Variants in DOCK1 observed in about 807,000 individuals in gnomAD.
The protein encoded by DOCK1 is dedicator of cytokinesis protein 1.
DOCK1 carries 138 observed loss-of-function variants against 262.7 expected under a neutral mutation model. The ratio of observed to expected loss-of-function variants is 0.53; its 90% confidence interval spans 0.46 to 0.61. DOCK1 has a LOEUF of 0.61. DOCK1 is among the 20% of genes least tolerant of loss of function. DOCK1 has a pLI of 0.00. For missense variants in DOCK1, 1,908 were observed against 2,370.7 expected, an observed-to-expected ratio of 0.80 and a Z score of 4.05; for synonymous variants, 866 against 867.4, an observed-to-expected ratio of 1.00 and a Z score of 0.03.
chr10:127,237,777 C>A (rs1438313758), intron 27 of DOCK1, among the ~76,000 whole-genome samples: 2 of 152,296 alleles, frequency 1.3e-5, no homozygotes, highest in Non-Finnish European at 2.9e-5. Context: ...AATTCCCTGG[C>A]AGTCTGTAAT....
At chr10:127,442,160 C>T (rs963045639) in intron 49 of DOCK1, among the ~76,000 whole-genome samples, 1 of 152,168 alleles carries the variant, frequency 6.6e-6, no homozygotes, top group African/African-American at 2.4e-5. Context: ...TGGCCTGGCT[C>T]TGTCACTCAT....
chr10:127,099,086 C>A (rs2048079726), intron 23 of DOCK1, among the ~76,000 whole-genome samples: 2 of 152,200 alleles, frequency 1.3e-5, no homozygotes. Flanking sequence ...TGCATCTTGT[C>A]CTTGTCTGGC....
At chr10:127,280,675 G>A (rs1436363463) in intron 29 of DOCK1, among the ~76,000 whole-genome samples, 2 of 152,324 alleles carry the variant, frequency 1.3e-5, no homozygotes, top group East Asian at 1.9e-4. Context: ...GGCAAGCTAC[G>A]TGCAGGTAAG....
At chr10:127,383,585 C>G (rs759402328) in intron 37 of DOCK1, among the ~76,000 whole-genome samples, 2 of 152,220 alleles carry the variant, frequency 1.3e-5, no homozygotes, top group Admixed American at 6.5e-5. Flanking sequence ...AGGGCCCGTG[C>G]CCTGTGCCTG....
At chr10:127,193,716 G>A (rs1299755657) in intron 27 of DOCK1, among the ~76,000 whole-genome samples, 2 of 152,174 alleles carry the variant, frequency 1.3e-5, no homozygotes, top group Non-Finnish European at 2.9e-5. Flanking sequence ...TGCCTTTCAC[G>A]TACAAGTCTT....
chr10:127,397,847 GTGCATGTCCTGGGTAGTGGGTGC>G (rs1438192507), intron 38 of DOCK1, among the ~76,000 whole-genome samples: 2 of 152,124 alleles, frequency 1.3e-5, no homozygotes, highest in African/African-American at 4.8e-5. Flanking sequence ...TGTGTGACCT[GTGCATGTCCTGGGTAGTGGGTGC>G]TGCATGTCCT....
At chr10:127,318,337 A>G (rs2062372506) in intron 29 of DOCK1, among the ~76,000 whole-genome samples, 1 of 152,204 alleles carries the variant, frequency 6.6e-6, no homozygotes, top group South Asian at 2.1e-4. Context: ...TTGAGCAGCC[A>G]AATGAGATGA....
intron 48 of DOCK1, 76 bp from the exon 49 acceptor site, chr10:127,438,951 G>T (rs2069881478): frequency 7.2e-7 from 1 of 1,395,666 alleles, no homozygotes; most frequent in African/African-American, 1.5e-5. Flanking sequence ...TCGATGGATT[G>T]TGAGTGACTT....
At chr10:127,401,591 C>T (rs191065899) in intron 38 of DOCK1, among the ~76,000 whole-genome samples, 48 of 152,256 alleles carry the variant, frequency 3.2e-4, no homozygotes, top group Non-Finnish European at 5.0e-4. Flanking sequence ...CCTCTCAATT[C>T]ACATGCTTGG....
rs754620266 is a variant in DOCK1 at position 127,343,680 on chromosome 10, T to C, written c.3158T>C (p.Phe1053Ser). 2 of 1,611,674 alleles carry C rather than the reference T, an allele frequency of 1.2e-6. No individual in the cohort carries two copies. Among genetic ancestry groups the C allele is most frequent in the Non-Finnish European group, 1.7e-6 (2 of 1,179,058 alleles). The change falls in exon 31 of 52, where the codon TTC becomes TCC. Residue 1053 changes from phenylalanine (F) to serine (S), a missense_variant. Physicochemically the swap from Phe to Ser is radical, Grantham distance 155. This residue lies in a region of DOCK1 where 518 missense variants were observed against 575.1 expected (regional missense o/e 0.90). Transcript: ENST00000623213. Reference sequence around the variant, plus strand: ...AACTACTTTCACCTGGCTGTTGCTTTCCTTACTCAAGAGTCCCTGCAACTG... The same window carrying C: ...AACTACTTTCACCTGGCTGTTGCTTCCCTTACTCAAGAGTCCCTGCAACTG... ...WNNYFHLAVA[F>S]LTQESLQLEN...
At chr10:127,168,037 A>C (rs1430345767) in intron 27 of DOCK1, among the ~76,000 whole-genome samples, 1 of 152,202 alleles carries the variant, frequency 6.6e-6, no homozygotes, top group African/African-American at 2.4e-5. Flanking sequence ...AGAGAAGCCC[A>C]AGAGGCAGGT....
intron 30 of DOCK1, among the ~76,000 whole-genome samples, chr10:127,340,954 G>T (rs982987108): frequency 1.2e-4 from 19 of 152,120 alleles, no homozygotes; most frequent in Non-Finnish European, 2.5e-4. Flanking sequence ...TCATTTTTCT[G>T]TAGTGAAATC....
chr10:127,394,228 G>T (rs867824418), intron 38 of DOCK1, among the ~76,000 whole-genome samples: 1 of 151,826 alleles, frequency 6.6e-6, no homozygotes, highest in Non-Finnish European at 1.5e-5. Context: ...TGACAAATGC[G>T]ATACATAATT....
intron 29 of DOCK1, among the ~76,000 whole-genome samples, chr10:127,312,500 TC>T (rs746016481): frequency 9.1e-4 from 138 of 152,272 alleles, no homozygotes; most frequent in Non-Finnish European, 1.7e-3. Flanking sequence ...TGGGATGGTC[TC>T]CAGTGAGGGC....
intron 25 of DOCK1, among the ~76,000 whole-genome samples, chr10:127,111,185 G>A (rs1202626305): frequency 6.6e-6 from 1 of 152,210 alleles, no homozygotes; most frequent in African/African-American, 2.4e-5. Flanking sequence ...AACACACTCT[G>A]TGCTTGGCTT....
chr10:127,133,442 A>G (rs564193462), intron 27 of DOCK1, among the ~76,000 whole-genome samples: 184 of 152,324 alleles, frequency 1.2e-3, no homozygotes, highest in African/African-American at 4.4e-3. Context: ...AAAAATGTCT[A>G]TAATTGTACT....
intron 29 of DOCK1, among the ~76,000 whole-genome samples, chr10:127,323,359 G>C (rs75530003): frequency 1.3e-5 from 2 of 152,116 alleles, no homozygotes; most frequent in Non-Finnish European, 2.9e-5. Flanking sequence ...TGTCCTGTCC[G>C]GTGGGGACGT....
chr10:127,328,603 G>A (rs984268873), intron 29 of DOCK1, among the ~76,000 whole-genome samples: 1 of 152,226 alleles, frequency 6.6e-6, no homozygotes, highest in Non-Finnish European at 1.5e-5. Flanking sequence ...GGGACGCCAG[G>A]GACGGCAGGG....
intron 1 of DOCK1, among the ~76,000 whole-genome samples, chr10:126,926,658 G>A (rs548615148): frequency 5.1e-4 from 77 of 152,288 alleles, no homozygotes; most frequent in African/African-American, 1.8e-3. Context: ...TAAGGTGGGC[G>A]TTTAATCCAA....
Sources: allele counts gnomAD v4.1 joint callset (sites outside exome capture counted in the v4.1 genomes callset), GRCh38; gene constraint gnomAD v4.1.1; regional missense constraint gnomAD v4.1.1; transcripts MANE v1.5; gene names NCBI Gene and HGNC (gene_info 2026-07-23, HGNC 2026-07-21).